The following PTPRN2 variants were observed in gnomAD, a reference collection of about 807,000 sequenced individuals.
PTPRN2 encodes the protein protein tyrosine phosphatase receptor type N2.
A neutral mutation model predicts 118.8 loss-of-function variants in PTPRN2; 74 were observed. The observed-to-expected ratio is 0.62, with a 90% confidence interval of 0.52 to 0.76. The LOEUF (loss-of-function observed/expected upper bound fraction) is 0.76, where lower values mean the gene tolerates loss of function less well. Among genes scored for constraint, PTPRN2 ranks in the 30% least tolerant of loss-of-function variants. The pLI, the probability that PTPRN2 is intolerant of heterozygous loss-of-function variation, is 0.00. For synonymous variants in PTPRN2, 641 were observed against 608.0 expected (o/e 1.05, Z -0.80); for missense variants, 1,481 against 1,394.4 (o/e 1.06, Z -0.99).
At chr7:157,659,964 C>T (rs567641739) in intron 13 of PTPRN2, among the ~76,000 whole-genome samples, 6 of 152,186 alleles carry the variant, frequency 3.9e-5, no homozygotes, top group South Asian at 2.1e-4. Flanking sequence ...AGGCTGGTCT[C>T]GAACTCCTGA....
intron 12 of PTPRN2, among the ~76,000 whole-genome samples, chr7:157,762,154 A>G (rs1802171010): frequency 6.6e-6 from 1 of 152,108 alleles, no homozygotes; most frequent in African/African-American, 2.4e-5. Flanking sequence ...TGGGACTGCA[A>G]ACTAGTTCAA....
chr7:157,891,315 T>C (rs570340239), intron 12 of PTPRN2, among the ~76,000 whole-genome samples: 1 of 152,136 alleles, frequency 6.6e-6, no homozygotes, highest in Admixed American at 6.5e-5. Flanking sequence ...AGGGTGGAAG[T>C]CAGGGGGAAA....
At chr7:157,559,652 G>A (rs556845923) in intron 21 of PTPRN2, among the ~76,000 whole-genome samples, 2 of 152,282 alleles carry the variant, frequency 1.3e-5, no homozygotes, top group South Asian at 4.1e-4. Context: ...AGGCAAGTGC[G>A]CAGGCCGGGC....
Position 157,583,930 on chromosome 7 carries a change from ACACACT to A in PTPRN2, c.2497-5796_2497-5791del, listed in dbSNP as rs1425397835. On this transcript the variant is annotated intron_variant, in intron 17 of 22. Transcript: ENST00000389418. The surrounding 1 kb of genome is among the most constrained non-coding windows in gnomAD (Gnocchi z 5.5). ...CACACACACACACACACACACACAC[ACACACT>A]CTTAAAATAAGCTCTCCTGAAGCCC... 2.7e-4 allele frequency among the ~76,000 whole-genome samples: 36 copies of A among 134,848 alleles called. No individual in the cohort carries two copies. The highest frequency in any genetic ancestry group is 4.5e-4 in the Admixed American group (6 of 13,436). The allele number at this position is 134,848 out of a possible 152,430, so 88.5% of individuals were successfully genotyped here. A position where few individuals can be genotyped will look rare whatever the true frequency, so the allele number is the denominator to read the frequency against.
At position 157,905,654 on chromosome 7, in the gene PTPRN2, C is replaced by A. The variant is rs146516934; in HGVS notation, c.1724-6917G>T. Among the ~76,000 whole-genome samples the A allele has an allele frequency of 2.5e-3, 380 of 152,356 alleles. 1 individual carries two copies. Among genetic ancestry groups the A allele is most frequent in the African/African-American group, 8.9e-3 (371 of 41,586 alleles). On this transcript the variant is annotated intron_variant, in intron 11 of 22. Transcript: ENST00000389418. The stretch of plus-strand genomic sequence containing the variant: ...GCAGCATTCCATATAATTAAGCAGG[C>A]AGCTACAGTGGAATAATTTTGCCTA...
At chr7:157,691,867 C>A (rs1301711046) in intron 12 of PTPRN2, among the ~76,000 whole-genome samples, 1 of 152,188 alleles carries the variant, frequency 6.6e-6, no homozygotes. Context: ...ACCTCCCCCC[C>A]GCGCCTCCCG....
At chr7:158,557,357 A>ACGCAGGTCAGGCGGCTCCCG (rs377670421) in intron 1 of PTPRN2, among the ~76,000 whole-genome samples, 5,887 of 133,912 alleles carry the variant, frequency 0.044, 416 homozygotes, top group African/African-American at 0.16. Flanking sequence ...GACGGCTCCC[A>ACGCAGGTCAGGCGGCTCCCG]CGCAGGTCAG....
At chr7:157,775,026 A>G (rs1622319) in intron 12 of PTPRN2, among the ~76,000 whole-genome samples, 40,949 of 152,166 alleles carry the variant, frequency 0.27, 6,258 homozygotes, top group African/African-American at 0.42. Flanking sequence ...GTGGCCTTGC[A>G]TCCTAACTGC....
At chr7:158,328,915 G>T (rs1322605228) in intron 2 of PTPRN2, among the ~76,000 whole-genome samples, 1 of 151,158 alleles carries the variant, frequency 6.6e-6, no homozygotes. Flanking sequence ...TCCCAGTGAG[G>T]CCTGGGACGG....
intron 3 of PTPRN2, among the ~76,000 whole-genome samples, chr7:158,296,449 G>A (rs1007505298): frequency 1.3e-5 from 2 of 152,174 alleles, no homozygotes; most frequent in East Asian, 3.9e-4. Context: ...TGTGCGATCT[G>A]ATTCTTCCAG....
intron 2 of PTPRN2, among the ~76,000 whole-genome samples, chr7:158,395,090 G>A (rs1242392509): frequency 2.0e-5 from 3 of 152,064 alleles, no homozygotes; most frequent in Admixed American, 2.0e-4. Flanking sequence ...CTGACCCCTC[G>A]TTCCCGCCAG....
At chr7:158,417,622 T>C (rs1814810050) in intron 2 of PTPRN2, among the ~76,000 whole-genome samples, 1 of 150,162 alleles carries the variant, frequency 6.7e-6, no homozygotes, top group Admixed American at 6.6e-5. Context: ...CCCACTGTGT[T>C]AAGTCACGGT....
rs988653021 is a variant in PTPRN2, at chr7:157,710,607, G to A, written c.1789-27670C>T. ...CTGGGACCCCAAGCCGCTCAGGACC[G>A]TGCACAGCTCCCAGATGTCCCCTGG... On this transcript the variant is annotated intron_variant, in intron 12 of 22. Transcript: ENST00000389418. Among the ~76,000 whole-genome samples, 6 of 151,852 alleles carry A rather than the reference G, an allele frequency of 4.0e-5. No individual in the cohort carries two copies. The East Asian group carries it at 5.9e-4, about 15-fold the overall frequency.
chr7:157,660,645 G>C (rs1795840125), intron 13 of PTPRN2, among the ~76,000 whole-genome samples: 1 of 152,192 alleles, frequency 6.6e-6, no homozygotes, highest in South Asian at 2.1e-4. Context: ...AAGCATTCAT[G>C]AGTAAGAGAG....
At chr7:157,826,595 G>A (rs1470782711) in intron 12 of PTPRN2, among the ~76,000 whole-genome samples, 1 of 152,168 alleles carries the variant, frequency 6.6e-6, no homozygotes, top group Non-Finnish European at 1.5e-5. Flanking sequence ...ACAATCGTGA[G>A]CGCCATTTCC....
rs1340717567 is a variant in PTPRN2, at chr7:158,585,638, T to G, written c.112+1920A>C. Reference sequence around the variant, plus strand: ...TAGCAGCTTTCCTCTCTTCATGCACTTCCATCTTTGGGTTTTCCTTTGCTG... The same window carrying G: ...TAGCAGCTTTCCTCTCTTCATGCACGTCCATCTTTGGGTTTTCCTTTGCTG... On this transcript the variant is annotated intron_variant, in intron 1 of 22. Coordinates refer to ENST00000389418, the MANE Select transcript of PTPRN2 (RefSeq NM_002847.5). Among the ~76,000 whole-genome samples, 3 of 152,238 alleles carry G rather than the reference T, an allele frequency of 2.0e-5. No homozygotes were observed. The East Asian group carries it at 5.8e-4, about 29-fold the overall frequency.
chr7:158,085,393 CCCA>C (rs1316342550), intron 10 of PTPRN2, among the ~76,000 whole-genome samples: 6 of 67,264 alleles, frequency 8.9e-5, no homozygotes, highest in African/African-American at 1.8e-4. Flanking sequence ...CCCATCCACA[CCCA>C]CGACGCCCAT....
Position 157,813,896 on chromosome 7 carries a change from C to A in PTPRN2, c.1788+84777G>T, listed in dbSNP as rs979303516. The stretch of plus-strand genomic sequence containing the variant: ...AAGAACGTGCATTTGCGTTGTTCCC[C>A]AGGTGATGCTGCTGGTGACCCCGGG... On this transcript the variant is annotated intron_variant, in intron 12 of 22. Coordinates refer to ENST00000389418, the MANE Select transcript of PTPRN2 (RefSeq NM_002847.5). This position sits in a 1 kb window ranked among gnomAD's most constrained non-coding sequence, Gnocchi z 4.7. Among the ~76,000 whole-genome samples the A allele has an allele frequency of 5.1e-4, 77 of 152,370 alleles. 1 individual carries two copies. Among genetic ancestry groups the A allele is most frequent in the African/African-American group, 1.8e-3 (76 of 41,594 alleles).
At chr7:158,583,369 T>C (rs1259944557) in intron 1 of PTPRN2, among the ~76,000 whole-genome samples, 3 of 152,084 alleles carry the variant, frequency 2.0e-5, no homozygotes, top group African/African-American at 7.2e-5. Flanking sequence ...CATGCTGACA[T>C]GTTTCATAGC....
Sources: allele counts gnomAD v4.1 joint callset (sites outside exome capture counted in the v4.1 genomes callset), GRCh38; gene constraint gnomAD v4.1.1; non-coding constraint Gnocchi (gnomAD v3.1); transcripts MANE v1.5; gene names NCBI Gene and HGNC (gene_info 2026-07-23, HGNC 2026-07-21).